The following BSDC1 variants were observed in gnomAD, a reference collection of about 807,000 sequenced individuals.
BSDC1 encodes the protein BSD domain containing 1, also known as BSD domain-containing protein 1.
In BSDC1, 29 loss-of-function variants were observed where a neutral mutation model predicts 56.0. The observed-to-expected ratio is 0.52, with a 90% CI of 0.39 to 0.71. The LOEUF (loss-of-function observed/expected upper bound fraction) is 0.71. Ranked by LOEUF, BSDC1 falls within the 30% of genes least tolerant of loss-of-function variation. BSDC1 has a pLI of 0.00. For missense variants in BSDC1, 477 were observed against 548.5 expected, an observed-to-expected ratio of 0.87 and a Z score of 1.30; for synonymous variants, 210 against 215.3, an observed-to-expected ratio of 0.98 and a Z score of 0.21.
At chr1:32,391,849 C>T (rs1642876502) in intron 2 of BSDC1, among the ~76,000 whole-genome samples, 1 of 152,194 alleles carries the variant, frequency 6.6e-6, no homozygotes, top group Non-Finnish European at 1.5e-5. Flanking sequence ...GGGGTGGTAT[C>T]TAAGAGGTTT....
At chr1:32,386,677 C>G (rs1189977188) in intron 3 of BSDC1, 102 bp downstream of exon 3, 4 of 698,726 alleles carry the variant, frequency 5.7e-6, no homozygotes, top group Non-Finnish European at 9.0e-6. Flanking sequence ...ACATATTTTT[C>G]CCCATATGGA....
intron 5 of BSDC1, 115 bp downstream of exon 5, chr1:32,381,099 G>A (rs1642463138): frequency 6.5e-6 from 6 of 922,910 alleles, no homozygotes; most frequent in Non-Finnish European, 1.0e-5. Context: ...TCTCACTCTG[G>A]TCTCCCTACA....
chr1:32,365,541 C>G lies in BSDC1; in HGVS notation c.*1081G>C, dbSNP rs1641815328. ...TGAAGCACCAGGCTCTCCAGAGATT[C>G]CTGCAGCCCCTCATTCCCCCAGAGG... On this transcript the variant is annotated 3_prime_UTR_variant, in exon 11 of 11. Coordinates refer to ENST00000455895, the MANE Select transcript of BSDC1 (RefSeq NM_018045.8). 2 of 152,628 alleles carry G rather than the reference C, an allele frequency of 1.3e-5. No homozygotes were observed. Among genetic ancestry groups the G allele is most frequent in the African/African-American group, 4.8e-5 (2 of 41,416 alleles). The allele number at this position is 152,628 out of a possible 1,614,324, so 9.5% of individuals were successfully genotyped here. A position where few individuals can be genotyped will look rare whatever the true frequency, so the allele number is the denominator to read the frequency against.
intron 4 of BSDC1, 24 bp downstream of exon 4, chr1:32,383,806 G>A (rs760212606): frequency 6.8e-6 from 11 of 1,608,344 alleles, no homozygotes; most frequent in Middle Eastern, 2.3e-4. Flanking sequence ...TTAGGCATCT[G>A]CAGGGGAGAC....
At chr1:32,367,401 AG>A in intron 10 of BSDC1, 1 of 985,430 alleles carries the variant, frequency 1.0e-6, no homozygotes, top group Non-Finnish European at 1.2e-6. Flanking sequence ...GGGTATAGTG[AG>A]GTAGTCACAA....
chr1:32,393,021 A>C (rs921466991), intron 2 of BSDC1, among the ~76,000 whole-genome samples: 2 of 152,168 alleles, frequency 1.3e-5, no homozygotes, highest in Non-Finnish European at 2.9e-5. Flanking sequence ...CTGAGACCGC[A>C]CCTGTGCACT....
At position 32,366,585 on chromosome 1, in the gene BSDC1, G is replaced by A. The variant is rs1318952217; in HGVS notation, c.*37C>T. On this transcript the variant is annotated 3_prime_UTR_variant, in exon 11 of 11. Coordinates refer to ENST00000455895, the MANE Select transcript of BSDC1 (RefSeq NM_018045.8). ...GCTGAGACGAGCGAGGGAGGCGAGA[G>A]ATGCCATGGGTGGGGGAGCTGCTCC... 1.3e-6 allele frequency: 2 copies of A among 1,507,236 alleles called. No homozygotes were observed. The highest frequency in any genetic ancestry group is 4.9e-5 in the East Asian group (2 of 40,502). 93.4% of individuals were successfully genotyped at this position (1,507,236 alleles called of 1,614,324 possible). A position where few individuals can be genotyped will look rare whatever the true frequency, so the allele number is the denominator to read the frequency against.
intron 9 of BSDC1, among the ~76,000 whole-genome samples, chr1:32,369,611 G>A (rs181762814): frequency 2.0e-5 from 3 of 152,254 alleles, no homozygotes; most frequent in East Asian, 3.9e-4. Flanking sequence ...CATACCAGGC[G>A]CATTCCCAAC....
In BSDC1 at chr1:32,368,201, G is replaced by A. The variant is rs535761506; in HGVS notation, c.1260+246C>T. 2.2e-5 allele frequency: 32 copies of A among 1,442,540 alleles called. No individual in the cohort carries two copies. The Admixed American group carries it at 2.3e-4, about 10-fold the overall frequency. The allele number at this position is 1,442,540 out of a possible 1,614,324, so 89.4% of individuals were successfully genotyped here. ...ATCTGTTTTCTTAAGCAGTTTCTCA[G>A]GCAATTTTGATACAGAGCTAAGGTC... On this transcript the variant is annotated intron_variant, in intron 10 of 10. Transcript: ENST00000455895.
At chr1:32,384,409 T>C (rs1347846193) in intron 3 of BSDC1, among the ~76,000 whole-genome samples, 2 of 152,200 alleles carry the variant, frequency 1.3e-5, no homozygotes, top group African/African-American at 4.8e-5. Context: ...TTGTTGGTCA[T>C]GAGACCGAAA....
intron 9 of BSDC1, 70 bp downstream of exon 9, chr1:32,376,192 G>A: frequency 7.2e-7 from 1 of 1,380,270 alleles, no homozygotes; most frequent in Middle Eastern, 2.7e-4. Context: ...CAAGGGACAA[G>A]GAGACAAATC....
intron 10 of BSDC1, chr1:32,367,172 C>T: frequency 1.0e-6 from 1 of 985,770 alleles, no homozygotes. Flanking sequence ...ACTAGGTCTT[C>T]ACTAGGGGCA....
At chr1:32,394,210 C>T in intron 1 of BSDC1, 70 bp from the exon 2 acceptor site, 2 of 1,578,716 alleles carry the variant, frequency 1.3e-6, no homozygotes, top group South Asian at 2.3e-5. Context: ...CGGTTTGTTC[C>T]CCGCTCAGAT....
intron 10 of BSDC1, chr1:32,367,247 GGCCTGCTGTCGGCTAA>G: frequency 2.0e-6 from 2 of 985,426 alleles, no homozygotes; most frequent in South Asian, 9.4e-5. Context: ...TCCTACTCTT[GGCCTGCTGTCGGCTAA>G]GCCCTGGTAT....
At chr1:32,386,683 A>C in intron 3 of BSDC1, 96 bp downstream of exon 3, 1 of 760,526 alleles carries the variant, frequency 1.3e-6, no homozygotes, top group Non-Finnish European at 2.0e-6. Context: ...TTTTCCCCAT[A>C]TGGAAAAATA....
At chr1:32,383,555 G>GA (rs1642560775) in intron 4 of BSDC1, among the ~76,000 whole-genome samples, 3 of 151,178 alleles carry the variant, frequency 2.0e-5, no homozygotes, top group Non-Finnish European at 4.4e-5. Flanking sequence ...TTGTTCAGAA[G>GA]AAAAAACCAA....
chr1:32,393,160 T>C (rs1642923249), intron 2 of BSDC1, among the ~76,000 whole-genome samples: 1 of 152,232 alleles, frequency 6.6e-6, no homozygotes, highest in Admixed American at 6.5e-5. Flanking sequence ...TCCCAATTGC[T>C]TGAGGTAAAT....
chr1:32,366,544 A>T lies in BSDC1; in HGVS notation c.*78T>A. 7.6e-7 allele frequency: 1 copy of T among 1,320,560 alleles called. No homozygotes were observed. The highest frequency in any genetic ancestry group is 2.0e-5 in the Admixed American group (1 of 50,674). The allele number at this position is 1,320,560 out of a possible 1,614,324, so 81.8% of individuals were successfully genotyped here. A position where few individuals can be genotyped will look rare whatever the true frequency, so the allele number is the denominator to read the frequency against. On this transcript the variant is annotated 3_prime_UTR_variant, in exon 11 of 11. Coordinates refer to ENST00000455895, the MANE Select transcript of BSDC1 (RefSeq NM_018045.8). ...AGAGGAGATTTGGGGGAACATTCTC[A>T]GTCTTCCAGGGCTGGGCTGAGACGA...
At position 32,394,073 on chromosome 1, in the gene BSDC1, G is replaced by C; in HGVS notation, c.72+7C>G. 1 of 1,607,068 alleles carries C rather than the reference G, an allele frequency of 6.2e-7. No homozygotes were observed. The highest frequency in any genetic ancestry group is 1.8e-4 in the Middle Eastern group (1 of 5,466). ...GCTGAGGGAAGAAGGGCACGGGCCCGGCTTACCTTCTCTTTGACTGCTTGG... is the reference window on the plus strand; with the variant it reads ...GCTGAGGGAAGAAGGGCACGGGCCCCGCTTACCTTCTCTTTGACTGCTTGG... On this transcript the variant is annotated splice_region_variant and intron_variant, in intron 2 of 10. Transcript: ENST00000455895.
Sources: allele counts gnomAD v4.1 joint callset (sites outside exome capture counted in the v4.1 genomes callset), GRCh38; gene constraint gnomAD v4.1.1; transcripts MANE v1.5; gene names NCBI Gene and HGNC (gene_info 2026-07-23, HGNC 2026-07-21).